AGBL3: variants seen among roughly 807,000 people sequenced by gnomAD.
AGBL3 encodes the protein AGBL carboxypeptidase 3.
A neutral mutation model predicts 94.5 loss-of-function variants in AGBL3; 68 were observed. That is an observed-to-expected ratio of 0.72 (90% confidence interval 0.59 to 0.88). The LOEUF (loss-of-function observed/expected upper bound fraction) is 0.88. Ranked by LOEUF, AGBL3 falls within the 40% of genes least tolerant of loss-of-function variation. AGBL3 has a pLI of 0.00. For missense variants in AGBL3, 934 were observed against 1,103.8 expected, an observed-to-expected ratio of 0.85 and a Z score of 2.18; for synonymous variants, 354 against 370.7, an observed-to-expected ratio of 0.95 and a Z score of 0.52.
chr7:135,125,122 T>TA (rs1177619246), intron 16 of AGBL3, among the ~76,000 whole-genome samples: 5 of 151,566 alleles, frequency 3.3e-5, no homozygotes, highest in Non-Finnish European at 7.4e-5. Flanking sequence ...GCTGTTTTTT[T>TA]AAAAAAATTA....
intron 3 of AGBL3, among the ~76,000 whole-genome samples, chr7:134,989,876 G>A (rs1209944848): frequency 6.8e-6 from 1 of 147,128 alleles, no homozygotes; most frequent in South Asian, 2.2e-4. Context: ...AAATCTTCCT[G>A]TTTGAAATAA....
At chr7:135,093,327 A>T (rs1339924528) in intron 15 of AGBL3, 2 of 152,140 alleles carry the variant, frequency 1.3e-5, no homozygotes, top group African/African-American at 4.8e-5. Flanking sequence ...CACTATTAGC[A>T]CTAATAAATG....
intron 12 of AGBL3, 147 bp downstream of exon 12, chr7:135,059,382 A>G (rs1584967815): frequency 7.7e-6 from 4 of 516,804 alleles, no homozygotes; most frequent in Admixed American, 4.0e-5. Flanking sequence ...TAAATCATAG[A>G]ATTATTTAAC....
chr7:135,003,891 G>T (rs555449861), intron 4 of AGBL3, among the ~76,000 whole-genome samples: 2 of 150,982 alleles, frequency 1.3e-5, no homozygotes, highest in African/African-American at 4.8e-5. Flanking sequence ...CAGTTATCCT[G>T]TATTAATGTA....
intron 3 of AGBL3, among the ~76,000 whole-genome samples, chr7:134,992,696 A>G (rs889819089): frequency 6.6e-6 from 1 of 152,254 alleles, no homozygotes; most frequent in Non-Finnish European, 1.5e-5. Flanking sequence ...TGCCTTGCCC[A>G]AACAAAGTCA....
At chr7:135,048,953 A>G (rs1817627466) in intron 11 of AGBL3, among the ~76,000 whole-genome samples, 1 of 151,712 alleles carries the variant, frequency 6.6e-6, no homozygotes, top group Non-Finnish European at 1.5e-5. Flanking sequence ...CTTGTTCCTG[A>G]TCTTAGAGTA....
At chr7:135,085,865 T>C (rs1004822037) in intron 15 of AGBL3, among the ~76,000 whole-genome samples, 5 of 152,146 alleles carry the variant, frequency 3.3e-5, no homozygotes, top group Non-Finnish European at 7.4e-5. Flanking sequence ...GATTGTTTTT[T>C]CCATTTCTGT....
intron 16 of AGBL3, among the ~76,000 whole-genome samples, chr7:135,127,546 C>T (rs922272222): frequency 2.7e-4 from 14 of 51,984 alleles, no homozygotes; most frequent in Admixed American, 9.4e-4. Context: ...AGCAAGTCTC[C>T]GTCTAAAAAA....
intron 4 of AGBL3, chr7:134,995,593 ATTG>A (rs1028084666): frequency 4.7e-4 from 71 of 152,288 alleles, no homozygotes; most frequent in African/African-American, 1.6e-3. Flanking sequence ...TAACCAAAAT[ATTG>A]TTGTAAGAGT....
Position 135,061,862 on chromosome 7 carries a change from C to T in AGBL3, c.1908+2627C>T, listed in dbSNP as rs927383493. Among the ~76,000 whole-genome samples the T allele has an allele frequency of 5.9e-5, 9 of 152,072 alleles. 1 individual carries two copies. In the South Asian group the frequency reaches 1.0e-3, roughly 18 times the overall value. On this transcript the variant is annotated intron_variant, in intron 12 of 16. Coordinates refer to ENST00000436302, the MANE Select transcript of AGBL3 (RefSeq NM_178563.4). ...TAGCTCAAGACTGTTTTGGCTAGTT[C>T]GGCTCCTTTGTGGTTCCATATGAAT...
chr7:135,041,449 T>G (rs943003995), intron 8 of AGBL3, among the ~76,000 whole-genome samples: 1 of 152,304 alleles, frequency 6.6e-6, no homozygotes, highest in East Asian at 1.9e-4. Context: ...AGTCTAGTAA[T>G]AGACCCATAT....
chr7:135,119,697 G>A (rs1471695463), intron 16 of AGBL3, among the ~76,000 whole-genome samples: 4 of 152,054 alleles, frequency 2.6e-5, no homozygotes, highest in Non-Finnish European at 5.9e-5. Context: ...CTAACACGGT[G>A]AAACCCCGTC....
At chr7:135,003,368 G>A (rs978515523) in intron 4 of AGBL3, among the ~76,000 whole-genome samples, 25 of 151,944 alleles carry the variant, frequency 1.6e-4, no homozygotes, top group Non-Finnish European at 3.2e-4. Context: ...TATTACTATA[G>A]CTTTTAAAGT....
At chr7:135,072,268 G>A (rs1219854262) in intron 12 of AGBL3, among the ~76,000 whole-genome samples, 1 of 152,154 alleles carries the variant, frequency 6.6e-6, no homozygotes, top group African/African-American at 2.4e-5. Flanking sequence ...GAAACAACAG[G>A]TGCTGGAGAG....
At chr7:135,074,191 C>A (rs1820241623) in intron 12 of AGBL3, among the ~76,000 whole-genome samples, 1 of 152,086 alleles carries the variant, frequency 6.6e-6, no homozygotes, top group African/African-American at 2.4e-5. Flanking sequence ...TAAATATATA[C>A]AATTTTTATT....
Position 135,059,197 on chromosome 7 carries a change from A to G in AGBL3, c.1870A>G (p.Ile624Val). The stretch of plus-strand genomic sequence containing the variant: ...CCGAGGCTCTGACAGTTCAGAATCC[A>G]TTGACTCTCTGACTTACCTTCTCAA... Reference protein sequence around the residue: ...SSRGSDSSESIDSLTYLLKLT... With the variant: ...SSRGSDSSESVDSLTYLLKLT... Residue 624 changes from isoleucine (I) to valine (V), a missense_variant, in exon 12 of 17, where the codon ATT becomes GTT. By Grantham distance (29) the Ile-to-Val change is conservative. Around this residue, in one of 3 missense-constraint regions of AGBL3, gnomAD observed 441 missense variants for 518.2 expected, o/e 0.85. Transcript: ENST00000436302. 1 of 1,551,336 alleles carries G rather than the reference A, an allele frequency of 6.4e-7. No homozygotes were observed. Among genetic ancestry groups the G allele is most frequent in the African/African-American group, 1.4e-5 (1 of 73,156 alleles).
At chr7:135,102,701 T>C (rs946870966) in intron 15 of AGBL3, among the ~76,000 whole-genome samples, 1 of 151,698 alleles carries the variant, frequency 6.6e-6, no homozygotes, top group African/African-American at 2.4e-5. Flanking sequence ...AATGATCATC[T>C]ATTTGGCTCT....
chr7:135,067,148 C>A (rs981149797), intron 12 of AGBL3, among the ~76,000 whole-genome samples: 2 of 152,192 alleles, frequency 1.3e-5, no homozygotes, highest in Non-Finnish European at 2.9e-5. Flanking sequence ...GCTAGCACAG[C>A]AGTCTGAGAT....
intron 15 of AGBL3, among the ~76,000 whole-genome samples, chr7:135,084,388 A>G (rs1821166543): frequency 6.6e-6 from 1 of 152,132 alleles, no homozygotes; most frequent in Admixed American, 6.6e-5. Context: ...AATACACAAT[A>G]AATTGTTAAT....
Sources: gnomAD v4.1 joint callset for allele counts (sites outside exome capture counted in the v4.1 genomes callset) on GRCh38, gnomAD v4.1.1 for gene constraint, gnomAD v4.1.1 regional missense constraint, MANE v1.5 for transcripts, NCBI Gene and HGNC (gene_info 2026-07-23, HGNC 2026-07-21) for gene names.